The following KDM2A variants were observed in gnomAD, a reference collection of about 807,000 sequenced individuals.
KDM2A encodes the protein lysine demethylase 2A, also known as lysine-specific demethylase 2A.
Under a neutral mutation model 137.3 loss-of-function variants are expected in KDM2A, and 3 were observed. The ratio of observed to expected loss-of-function variants is 0.02; its 90% CI spans 0.01 to 0.06. The LOEUF is 0.06. Ranked by LOEUF, KDM2A falls within the 10% of genes least tolerant of loss-of-function variation. The pLI is 1.00. For synonymous variants in KDM2A, 512 were observed against 541.5 expected (o/e 0.95, Z 0.76); for missense variants, 738 against 1,510.6 (o/e 0.49, Z 8.48).
At chr11:67,151,201 T>C (rs1014855935) in intron 2 of KDM2A, among the ~76,000 whole-genome samples, 1 of 152,158 alleles carries the variant, frequency 6.6e-6, no homozygotes, top group African/African-American at 2.4e-5. Context: ...GTGGCTGATT[T>C]TTTCAGCTTT....
At chr11:67,149,424 C>T (rs746768946) in intron 2 of KDM2A, among the ~76,000 whole-genome samples, 36 of 152,126 alleles carry the variant, frequency 2.4e-4, no homozygotes, top group Admixed American at 1.2e-3. Context: ...AAGCTTAATA[C>T]GTTATTATAT....
chr11:67,155,937 T>A (rs1431118988), intron 2 of KDM2A, among the ~76,000 whole-genome samples: 125 of 104,212 alleles, frequency 1.2e-3, no homozygotes, highest in East Asian at 1.9e-3. Flanking sequence ...TTTAAACGGC[T>A]AAAAAAAAAA....
At chr11:67,159,551 C>T (rs1395504764) in intron 2 of KDM2A, among the ~76,000 whole-genome samples, 1 of 152,252 alleles carries the variant, frequency 6.6e-6, no homozygotes, top group Admixed American at 6.5e-5. Flanking sequence ...GATTGATTGT[C>T]CTGCTGGTAG....
chr11:67,211,713 TA>T (rs1857995579), intron 6 of KDM2A, among the ~76,000 whole-genome samples: 1 of 151,604 alleles, frequency 6.6e-6, no homozygotes, highest in African/African-American at 2.4e-5. Flanking sequence ...TCTTCATTTC[TA>T]AAAACTTAAT....
At position 67,255,328 on chromosome 11, in the gene KDM2A, C is replaced by T. The variant is rs1859565958; in HGVS notation, c.*273C>T. The T allele has an allele frequency of 1.0e-5, 5 of 498,666 alleles. No individual in the cohort carries two copies. The highest frequency in any genetic ancestry group is 1.9e-5 in the African/African-American group (1 of 51,798). The allele number at this position is 498,666 out of a possible 1,614,324, so 30.9% of individuals were successfully genotyped here. A position where few individuals can be genotyped will look rare whatever the true frequency, so the allele number is the denominator to read the frequency against. On this transcript the variant is annotated 3_prime_UTR_variant, in exon 21 of 21. Transcript: ENST00000529006. Reference sequence around the variant, plus strand: ...CTGTCGAGGCGCCTGCTCGCTTACTCGCCTGCCAGGAGGCCGGGCTCTCAG... The same window carrying T: ...CTGTCGAGGCGCCTGCTCGCTTACTTGCCTGCCAGGAGGCCGGGCTCTCAG...
intron 16 of KDM2A, among the ~76,000 whole-genome samples, chr11:67,249,612 C>A (rs1028357674): frequency 6.6e-6 from 1 of 152,162 alleles, no homozygotes; most frequent in Non-Finnish European, 1.5e-5. Flanking sequence ...TCTGTAGCAA[C>A]CCAGTTTCTC....
rs1005408846 is a variant in KDM2A at position 67,188,029 on chromosome 11, T to TA, written c.307+6145dup. Among the ~76,000 whole-genome samples, 12 of 151,820 alleles carry TA rather than the reference T, an allele frequency of 7.9e-5. No homozygotes were observed. In the East Asian group the frequency reaches 2.1e-3, roughly 27 times the overall value. On this transcript the variant is annotated intron_variant, in intron 5 of 20. Transcript: ENST00000529006. ...GCAACATACCAAGACCTCATGTCTA[T>TA]AAAAAAAATAATAATAGTAATTTTA...
intron 5 of KDM2A, among the ~76,000 whole-genome samples, chr11:67,187,259 A>T (rs1342072240): frequency 1.3e-5 from 2 of 152,202 alleles, no homozygotes; most frequent in African/African-American, 4.8e-5. Flanking sequence ...AGCTATAAGG[A>T]TATAGAAGTC....
intron 2 of KDM2A, among the ~76,000 whole-genome samples, chr11:67,124,773 CAT>C (rs762855055): frequency 1.3e-5 from 2 of 151,588 alleles, no homozygotes; most frequent in East Asian, 1.9e-4. Context: ...CCTTAACTAG[CAT>C]ATGTTTTCTT....
chr11:67,176,985 C>T (rs934229498), intron 2 of KDM2A, among the ~76,000 whole-genome samples: 6 of 151,942 alleles, frequency 3.9e-5, no homozygotes, highest in Admixed American at 1.3e-4. Context: ...AGGCTGGGCA[C>T]GGTGGCTCAC....
intron 2 of KDM2A, among the ~76,000 whole-genome samples, chr11:67,144,058 CA>C (rs1414952032): frequency 6.6e-6 from 1 of 151,598 alleles, no homozygotes. Context: ...TCTCCTGCCT[CA>C]AACCTCCTGA....
chr11:67,162,119 TATA>T (rs1436044561), intron 2 of KDM2A, among the ~76,000 whole-genome samples: 14 of 152,312 alleles, frequency 9.2e-5, no homozygotes, highest in South Asian at 6.2e-4. Flanking sequence ...CCCTAAGAAA[TATA>T]ATGATGGATA....
intron 2 of KDM2A, among the ~76,000 whole-genome samples, chr11:67,123,022 G>A (rs949767049): frequency 6.6e-6 from 1 of 151,860 alleles, no homozygotes; most frequent in Admixed American, 6.6e-5. Context: ...CCAGGGTGAC[G>A]TTCAGTGATG....
chr11:67,154,454 CAG>C (rs1856470364), intron 2 of KDM2A, among the ~76,000 whole-genome samples: 1 of 152,090 alleles, frequency 6.6e-6, no homozygotes, highest in Non-Finnish European at 1.5e-5. Flanking sequence ...TTTTTTAAGA[CAG>C]AGTTTCACTC....
chr11:67,162,035 G>A (rs1300188733), intron 2 of KDM2A, among the ~76,000 whole-genome samples: 12 of 152,154 alleles, frequency 7.9e-5, no homozygotes, highest in Admixed American at 3.3e-4. Flanking sequence ...CTGTAGTACA[G>A]TGAATTGTTC....
At position 67,250,913 on chromosome 11, in the gene KDM2A, T is replaced by C; in HGVS notation, c.2768+115T>C. ...AAAGCCTGTGGGGTCTTATGAGGAG[T>C]GAATTGACCCTTTTTCCCAAACTTT... On this transcript the variant is annotated intron_variant, in intron 17 of 20. Coordinates refer to ENST00000529006, the MANE Select transcript of KDM2A (RefSeq NM_012308.3). The surrounding 1 kb of genome is among the most constrained non-coding windows in gnomAD (Gnocchi z 7.1). 1.3e-6 allele frequency: 1 copy of C among 785,360 alleles called. No individual in the cohort carries two copies. Among genetic ancestry groups the C allele is most frequent in the Admixed American group, 2.5e-5 (1 of 39,896 alleles). The allele number at this position is 785,360 out of a possible 1,614,324, so 48.6% of individuals were successfully genotyped here.
At chr11:67,149,564 C>G (rs920332665) in intron 2 of KDM2A, among the ~76,000 whole-genome samples, 3 of 151,892 alleles carry the variant, frequency 2.0e-5, no homozygotes, top group Non-Finnish European at 2.9e-5. Context: ...TAATCCTAAC[C>G]CCTTCACCAG....
intron 12 of KDM2A, among the ~76,000 whole-genome samples, chr11:67,236,566 G>A (rs1310499394): frequency 5.9e-5 from 9 of 152,104 alleles, no homozygotes; most frequent in Non-Finnish European, 1.2e-4. Flanking sequence ...ACTTAATAAA[G>A]CAAATTCAAT....
Position 67,231,629 on chromosome 11 carries a change from G to T in KDM2A, c.1148G>T (p.Arg383Leu), listed in dbSNP as rs375645780. The change falls in exon 12 of 21, where the codon CGA (arginine) becomes CTA (leucine). Residue 383 changes from arginine (R) to leucine (L), a missense_variant. By Grantham distance (102) the Arg-to-Leu change is moderately radical. Transcript: ENST00000529006. ...GDEEAVDREP[R>L]RLSSRRSVLT... ...GAGGAAGCAGTGGATCGAGAACCCC[G>T]ACGCTTGAGCAGCAGGCGTTCTGTC... 28 of 1,612,498 alleles carry T rather than the reference G, an allele frequency of 1.7e-5. No homozygotes were observed. In the African/African-American group the frequency reaches 2.4e-4, roughly 14 times the overall value.
Sources: allele counts gnomAD v4.1 joint callset (sites outside exome capture counted in the v4.1 genomes callset), GRCh38; gene constraint gnomAD v4.1.1; non-coding constraint Gnocchi (gnomAD v3.1); transcripts MANE v1.5; gene names NCBI Gene and HGNC (gene_info 2026-07-23, HGNC 2026-07-21).